RBM14: variants seen among roughly 807,000 people sequenced by gnomAD.
RBM14 encodes RNA binding motif protein 14.
In RBM14, 5 loss-of-function variants were observed where a neutral mutation model predicts 52.8. That is an observed-to-expected ratio of 0.09 (90% CI 0.05 to 0.20). The LOEUF is 0.20. Ranked by LOEUF, RBM14 falls within the 10% of genes least tolerant of loss-of-function variation. The pLI is 1.00. For missense variants in RBM14, 780 were observed against 926.6 expected, an observed-to-expected ratio of 0.84 and a Z score of 2.05; for synonymous variants, 411 against 401.8, an observed-to-expected ratio of 1.02 and a Z score of -0.28.
chr11:66,618,415 A>C, intron 1 of RBM14: 1 of 694,376 alleles, frequency 1.4e-6, no homozygotes, highest in South Asian at 1.5e-5. Flanking sequence ...AAGTGGGGGA[A>C]ATATAAAGGG....
rs1243541984 is a variant in RBM14, at chr11:66,628,189, A to G, written c.*1521A>G. Among the ~76,000 whole-genome samples, 2 of 152,108 alleles carry G rather than the reference A, an allele frequency of 1.3e-5. No individual in the cohort carries two copies. The highest frequency in any genetic ancestry group is 2.4e-5 in the African/African-American group (1 of 41,410). On this transcript the variant is annotated 3_prime_UTR_variant, in exon 3 of 3. Transcript: ENST00000310137. The stretch of plus-strand genomic sequence containing the variant: ...CGAGGATCTGGGCAAAAAATATGAC[A>G]TTTCCAACCAGGGACAAAATGGAGG...
rs761617878 is a variant in RBM14 at position 66,625,723 on chromosome 11, C to T, written c.1802+45C>T. On this transcript the variant is annotated intron_variant, in intron 2 of 2. Transcript: ENST00000310137. The surrounding 1 kb of genome is among the most constrained non-coding windows in gnomAD (Gnocchi z 4.2). ...CTCTGCCCCCAGCTGGGGCTTAGGG[C>T]AAGGGGCTGAGGTTGGCATGGGAGG... The T allele has an allele frequency of 2.1e-6, 3 of 1,460,852 alleles. No homozygotes were observed. In the South Asian group the frequency reaches 3.7e-5, roughly 18 times the overall value. 90.5% of individuals were successfully genotyped at this position (1,460,852 alleles called of 1,614,324 possible).
intron 1 of RBM14, chr11:66,623,864 G>A (rs912158312): frequency 9.8e-6 from 7 of 717,298 alleles, no homozygotes; most frequent in African/African-American, 8.7e-5. Context: ...ATCTAGGAAC[G>A]CTTTCTGCAT....
chr11:66,625,843 G>C lies in RBM14; in HGVS notation c.1802+165G>C. Reference sequence around the variant, plus strand: ...GGGAGCAGTGTCTATGAACTTTCCTGGTCACCAGGGTTCAGGTGGAGCATA... The same window carrying C: ...GGGAGCAGTGTCTATGAACTTTCCTCGTCACCAGGGTTCAGGTGGAGCATA... On this transcript the variant is annotated intron_variant, in intron 2 of 2. Transcript: ENST00000310137. The surrounding 1 kb of genome is among the most constrained non-coding windows in gnomAD (Gnocchi z 4.2). The C allele has an allele frequency of 1.6e-6, 1 of 619,306 alleles. No individual in the cohort carries two copies. The highest frequency in any genetic ancestry group is 2.8e-6 in the Non-Finnish European group (1 of 361,564). The allele number at this position is 619,306 out of a possible 1,614,324, so 38.4% of individuals were successfully genotyped here. A position where few individuals can be genotyped will look rare whatever the true frequency, so the allele number is the denominator to read the frequency against.
chr11:66,629,241 ACTCT>A lies in RBM14; in HGVS notation c.*2576_*2579del, dbSNP rs10531623. ...CTGAATGTGTGTTTTGGAAAAATGG[ACTCT>A]CTATCTTCAGATTATTCAGCTTCTC... On this transcript the variant is annotated 3_prime_UTR_variant, in exon 3 of 3. Coordinates refer to ENST00000310137, the MANE Select transcript of RBM14 (RefSeq NM_006328.4). Among the ~76,000 whole-genome samples the A allele has an allele frequency of 1.3e-5, 2 of 152,022 alleles. No homozygotes were observed. The highest frequency in any genetic ancestry group is 2.4e-5 in the African/African-American group (1 of 41,388).
intron 1 of RBM14, chr11:66,617,571 T>G (rs1401562417): frequency 2.0e-6 from 2 of 988,636 alleles, no homozygotes; most frequent in Middle Eastern, 5.2e-4. Context: ...CCTTGGACGT[T>G]TCTCGGGCTG....
At chr11:66,617,099 C>T (rs964822901) in intron 1 of RBM14, 42 bp downstream of exon 1, 5 of 1,542,670 alleles carry the variant, frequency 3.2e-6, no homozygotes, top group Middle Eastern at 1.9e-4. Flanking sequence ...GCGCTCGGGG[C>T]ACTCTGCCTG....
rs758263808 is a variant in RBM14 at position 66,626,631 on chromosome 11, C to T, written c.1973C>T (p.Ala658Val). 4.3e-6 allele frequency: 7 copies of T among 1,612,088 alleles called. No individual in the cohort carries two copies. The highest frequency in any genetic ancestry group is 5.9e-6 in the Non-Finnish European group (7 of 1,179,614). ...GGCTCCTATAATGATTACCTGCGGGCGGCTCAGATGCACTCTGGCTACCAG... is the reference window on the plus strand; with the variant it reads ...GGCTCCTATAATGATTACCTGCGGGTGGCTCAGATGCACTCTGGCTACCAG... ...YSGSYNDYLR[A>V]AQMHSGYQRR... is the part of the protein sequence containing the mutation. The change falls in exon 3 of 3, where the codon GCG becomes GTG. Residue 658 changes from alanine (A) to valine (V), a missense_variant. Around this residue, in one of 4 missense-constraint regions of RBM14, gnomAD observed 675 missense variants for 697.3 expected, o/e 0.97. Coordinates refer to ENST00000310137, the MANE Select transcript of RBM14 (RefSeq NM_006328.4).
At chr11:66,621,078 T>C (rs1859085720) in intron 1 of RBM14, 1 of 152,166 alleles carries the variant, frequency 6.6e-6, no homozygotes, top group Non-Finnish European at 1.5e-5. Context: ...TGATTGTGGC[T>C]CACTGTAGTC....
rs773923821 is a variant in RBM14 at position 66,629,914 on chromosome 11, C to CA, written c.*3250dup. Among the ~76,000 whole-genome samples, 691 of 77,710 alleles carry CA rather than the reference C, an allele frequency of 8.9e-3. 1 individual carries two copies. Among genetic ancestry groups the CA allele is most frequent in the South Asian group, 0.022 (31 of 1,408 alleles). The allele number at this position is 77,710 out of a possible 152,430, so 51.0% of individuals were successfully genotyped here. A position where few individuals can be genotyped will look rare whatever the true frequency, so the allele number is the denominator to read the frequency against. The stretch of plus-strand genomic sequence containing the variant: ...CAATACGGTGAGACCTTGTCTCTAC[C>CA]AAAAGAAAAGAAAAAAAAAAGCCAG... On this transcript the variant is annotated 3_prime_UTR_variant, in exon 3 of 3. Transcript: ENST00000310137.
At chr11:66,617,843 C>G (rs1410413831) in intron 1 of RBM14, among the ~76,000 whole-genome samples, 1 of 152,164 alleles carries the variant, frequency 6.6e-6, no homozygotes, top group Non-Finnish European at 1.5e-5. Flanking sequence ...CATGCCAAGC[C>G]AGTGCCCTAG....
intron 1 of RBM14, chr11:66,617,298 T>C: frequency 7.7e-7 from 1 of 1,307,012 alleles, no homozygotes; most frequent in Non-Finnish European, 9.7e-7. Context: ...CGAGCCAAGC[T>C]ACGGGGCCGG....
intron 2 of RBM14, 43 bp from the exon 3 acceptor site, chr11:66,626,418 C>T: frequency 1.3e-6 from 2 of 1,566,612 alleles, no homozygotes; most frequent in Non-Finnish European, 1.8e-6. Flanking sequence ...GGAGTCCTCC[C>T]CTCAATTGTC....
intron 1 of RBM14, among the ~76,000 whole-genome samples, chr11:66,622,003 T>C (rs1229690949): frequency 6.6e-6 from 1 of 151,806 alleles, no homozygotes; most frequent in Non-Finnish European, 1.5e-5. Flanking sequence ...TCCTTCTTTT[T>C]CTTCCGGGTT....
chr11:66,625,088 C>T lies in RBM14; in HGVS notation c.1212C>T (p.Ala404=), dbSNP rs1565071883. Residue 404 remains alanine (A), a synonymous_variant, in exon 2 of 3, where the codon GCC becomes GCT. Coordinates refer to ENST00000310137, the MANE Select transcript of RBM14 (RefSeq NM_006328.4). This position sits in a 1 kb window ranked among gnomAD's most constrained non-coding sequence, Gnocchi z 4.2. ...AYGAQAASYN[A]QPSASYNAQS... ...GAGCCCAGGCAGCTTCATATAATGC[C>T]CAGCCCTCGGCCTCTTACAATGCCC... The T allele has an allele frequency of 1.9e-6, 3 of 1,613,640 alleles. No homozygotes were observed. Among genetic ancestry groups the T allele is most frequent in the Admixed American group, 1.7e-5 (1 of 60,012 alleles).
At chr11:66,618,109 C>A (rs1328016673) in intron 1 of RBM14, among the ~76,000 whole-genome samples, 1 of 152,138 alleles carries the variant, frequency 6.6e-6, no homozygotes, top group Admixed American at 6.5e-5. Flanking sequence ...GAGTTTTTAT[C>A]CCTTAAGCTC....
In RBM14 at chr11:66,625,538, G is replaced by A. The variant is rs752528929; in HGVS notation, c.1662G>A (p.Pro554=). The change falls in exon 2 of 3, where the codon CCG becomes CCA. Residue 554 remains proline, a synonymous_variant. Coordinates refer to ENST00000310137, the MANE Select transcript of RBM14 (RefSeq NM_006328.4). This position sits in a 1 kb window ranked among gnomAD's most constrained non-coding sequence, Gnocchi z 4.2. ...ATGCCTACGATGGGGCAGGTCAGCCGTCTGCAGCCTACCTGTCCATGTCCC... is the reference window on the plus strand; with the variant it reads ...ATGCCTACGATGGGGCAGGTCAGCCATCTGCAGCCTACCTGTCCATGTCCC... ...PGNAYDGAGQ[P]SAAYLSMSQG... 1.1e-5 allele frequency: 17 copies of A among 1,612,438 alleles called. No homozygotes were observed. Among genetic ancestry groups the A allele is most frequent in the Admixed American group, 1.0e-4 (6 of 59,954 alleles).
intron 2 of RBM14, among the ~76,000 whole-genome samples, chr11:66,626,249 C>T (rs535517376): frequency 6.6e-6 from 1 of 152,190 alleles, no homozygotes; most frequent in Non-Finnish European, 1.5e-5. Context: ...GAGGGGAGGA[C>T]TTCAGTGGAG....
rs1368783703 is a variant in RBM14, at chr11:66,626,692, C to CAGGG, written c.*35_*38dup. 2 of 1,573,902 alleles carry CAGGG rather than the reference C, an allele frequency of 1.3e-6. No homozygotes were observed. Among genetic ancestry groups the CAGGG allele is most frequent in the South Asian group, 1.1e-5 (1 of 88,698 alleles). On this transcript the variant is annotated 3_prime_UTR_variant, in exon 3 of 3. Transcript: ENST00000310137. ...AGGGCCATCCTGGGATGGGGCACCA[C>CAGGG]AGGGAGGGAGGGAGAAAAGAGGTGG...
Sources: gnomAD v4.1 joint callset for allele counts (sites outside exome capture counted in the v4.1 genomes callset) on GRCh38, gnomAD v4.1.1 for gene constraint, gnomAD v4.1.1 regional missense constraint, Gnocchi (gnomAD v3.1) non-coding constraint, MANE v1.5 for transcripts, NCBI Gene and HGNC (gene_info 2026-07-23, HGNC 2026-07-21) for gene names.